CORIN: variants seen among roughly 807,000 people sequenced by gnomAD.
CORIN encodes corin, serine peptidase.
CORIN carries 117 observed loss-of-function variants against 125.3 expected under a neutral mutation model. That is an observed-to-expected ratio of 0.93 (90% CI 0.80 to 1.09). The LOEUF (loss-of-function observed/expected upper bound fraction) is 1.09. Among genes scored for constraint, CORIN ranks in the 50% least tolerant of loss-of-function variants. The pLI is 0.00. For missense variants in CORIN, 1,253 were observed against 1,306.7 expected, an observed-to-expected ratio of 0.96 and a Z score of 0.63; for synonymous variants, 450 against 466.4, an observed-to-expected ratio of 0.96 and a Z score of 0.45.
chr4:47,677,875 C>T (rs1276934422), intron 9 of CORIN, 63 bp downstream of exon 9: 1 of 1,171,712 alleles, frequency 8.5e-7, no homozygotes. Flanking sequence ...CAAATGTGTT[C>T]CTTTGTTCCC....
chr4:47,672,016 G>C (rs1724786215), intron 10 of CORIN, among the ~76,000 whole-genome samples: 1 of 152,200 alleles, frequency 6.6e-6, no homozygotes, highest in Non-Finnish European at 1.5e-5. Flanking sequence ...GAATATACAT[G>C]ATGAATGAGG....
chr4:47,603,356 T>C, intron 20 of CORIN, 41 bp downstream of exon 20: 2 of 1,589,874 alleles, frequency 1.3e-6, no homozygotes, highest in Non-Finnish European at 8.6e-7. Flanking sequence ...CTCAGGTATG[T>C]GCTTATAGCA....
At chr4:47,825,742 C>T (rs1172750669) in intron 1 of CORIN, among the ~76,000 whole-genome samples, 1 of 149,782 alleles carries the variant, frequency 6.7e-6, no homozygotes, top group Non-Finnish European at 1.5e-5. Flanking sequence ...ACTCTGTCAC[C>T]CAGGCTGGAG....
At chr4:47,775,367 C>T (rs113696888) in intron 3 of CORIN, among the ~76,000 whole-genome samples, 4 of 152,066 alleles carry the variant, frequency 2.6e-5, no homozygotes, top group East Asian at 3.9e-4. Flanking sequence ...ATCTCTCCCC[C>T]CTCCTCCCAC....
chr4:47,647,053 A>G (rs1284663759), intron 13 of CORIN, among the ~76,000 whole-genome samples: 1 of 152,180 alleles, frequency 6.6e-6, no homozygotes, highest in Non-Finnish European at 1.5e-5. Flanking sequence ...ACTGGCTGAT[A>G]ATCCGGGGGG....
chr4:47,793,761 G>A (rs1326614389), intron 2 of CORIN, among the ~76,000 whole-genome samples: 2 of 152,150 alleles, frequency 1.3e-5, no homozygotes. Context: ...AGATATAGGA[G>A]TATGAAAAGA....
chr4:47,718,613 A>C (rs1383725076), intron 5 of CORIN, among the ~76,000 whole-genome samples: 1 of 152,182 alleles, frequency 6.6e-6, no homozygotes. Context: ...AGAAAATTTA[A>C]TTTTTAGACT....
chr4:47,602,233 T>G (rs1237597212), intron 20 of CORIN, among the ~76,000 whole-genome samples: 1 of 152,214 alleles, frequency 6.6e-6, no homozygotes, highest in East Asian at 1.9e-4. Flanking sequence ...ATTGTGCCAC[T>G]GCATTCCAGC....
chr4:47,728,478 A>T (rs1727702984), intron 5 of CORIN, among the ~76,000 whole-genome samples: 1 of 152,180 alleles, frequency 6.6e-6, no homozygotes, highest in Admixed American at 6.5e-5. Context: ...CTATGATTAA[A>T]TTGACCATGA....
At chr4:47,805,135 CA>C (rs755747242) in intron 2 of CORIN, among the ~76,000 whole-genome samples, 2,154 of 129,378 alleles carry the variant, frequency 0.017, 47 homozygotes, top group African/African-American at 0.057. Flanking sequence ...GACTCCATCT[CA>C]AAAAAAAAAA....
At chr4:47,758,766 G>A in intron 4 of CORIN, among the ~76,000 whole-genome samples, 1 of 152,104 alleles carries the variant, frequency 6.6e-6, no homozygotes, top group East Asian at 1.9e-4. Context: ...GTTTTATAAG[G>A]GGCTTTCCCC....
chr4:47,664,351 T>C (rs546064980), intron 11 of CORIN, among the ~76,000 whole-genome samples: 1 of 152,270 alleles, frequency 6.6e-6, no homozygotes, highest in Non-Finnish European at 1.5e-5. Context: ...CTCAAAACAA[T>C]ACAACCCAAC....
chr4:47,638,501 G>A (rs1723113839), intron 16 of CORIN, among the ~76,000 whole-genome samples: 1 of 152,080 alleles, frequency 6.6e-6, no homozygotes, highest in Non-Finnish European at 1.5e-5. Context: ...CAATTATGGG[G>A]GCAAGTCTTT....
intron 4 of CORIN, among the ~76,000 whole-genome samples, chr4:47,746,449 G>C (rs748470558): frequency 1.6e-4 from 25 of 152,160 alleles, no homozygotes; most frequent in Admixed American, 6.5e-4. Context: ...ATTAGAACTC[G>C]GGCAGATTGA....
intron 2 of CORIN, among the ~76,000 whole-genome samples, chr4:47,795,183 A>T (rs2109932269): frequency 6.6e-6 from 1 of 152,108 alleles, no homozygotes; most frequent in South Asian, 2.1e-4. Context: ...TACTGCTTTG[A>T]TTGCTGTAGC....
At chr4:47,721,652 A>G (rs1444354157) in intron 5 of CORIN, among the ~76,000 whole-genome samples, 1 of 152,142 alleles carries the variant, frequency 6.6e-6, no homozygotes, top group South Asian at 2.1e-4. Flanking sequence ...CAGCATGTAA[A>G]TTTGTGGGTG....
At chr4:47,691,339 T>C (rs1725759994) in intron 6 of CORIN, among the ~76,000 whole-genome samples, 1 of 152,234 alleles carries the variant, frequency 6.6e-6, no homozygotes, top group Admixed American at 6.5e-5. Context: ...TTCCCTATTT[T>C]GGCTGCTTTG....
intron 5 of CORIN, among the ~76,000 whole-genome samples, chr4:47,725,609 C>A (rs1422592330): frequency 6.6e-6 from 1 of 151,926 alleles, no homozygotes; most frequent in African/African-American, 2.4e-5. Context: ...ATACCTTATA[C>A]CTTAGGCAAA....
intron 1 of CORIN, among the ~76,000 whole-genome samples, chr4:47,834,346 C>T (rs1733258018): frequency 6.6e-6 from 1 of 151,992 alleles, no homozygotes; most frequent in South Asian, 2.1e-4. Flanking sequence ...GTGAAATAAG[C>T]CAGACACAGA....
Sources: allele counts gnomAD v4.1 joint callset (sites outside exome capture counted in the v4.1 genomes callset), GRCh38; gene constraint gnomAD v4.1.1; transcripts MANE v1.5; gene names NCBI Gene and HGNC (gene_info 2026-07-23, HGNC 2026-07-21).